Variants in RNASEH2B observed in about 807,000 individuals in gnomAD.
RNASEH2B encodes the protein ribonuclease H2 subunit B.
RNASEH2B carries 36 observed loss-of-function variants against 45.0 expected under a neutral mutation model. The ratio of observed to expected loss-of-function variants is 0.80; its 90% confidence interval spans 0.61 to 1.06. The LOEUF is 1.06. RNASEH2B is among the 50% of genes least tolerant of loss of function. The pLI is 0.00. For missense variants in RNASEH2B, 361 were observed against 360.3 expected (o/e 1.00, Z -0.02); for synonymous variants, 119 against 125.7 (o/e 0.95, Z 0.35).
At chr13:50,953,529 C>A (rs992636204) in intron 9 of RNASEH2B, 3 of 244,814 alleles carry the variant, frequency 1.2e-5, no homozygotes, top group Non-Finnish European at 2.4e-5. Flanking sequence ...TGGCTGGACA[C>A]CTGGCCCCCT....
rs1446547236 is a variant in RNASEH2B, at chr13:50,963,228, A to G, written c.742-6704A>G. ...TGCCCAGGCTGGAGTGCAATGGCAC[A>G]ATCTCAGCTCGCTGCAACTTCCGCC... On this transcript the variant is annotated intron_variant, in intron 9 of 9. Coordinates refer to the RNASEH2B transcript ENST00000422660. Among the ~76,000 whole-genome samples, 18 of 152,200 alleles carry G rather than the reference A, an allele frequency of 1.2e-4. 1 individual carries two copies. In the East Asian group the frequency reaches 3.3e-3, roughly 28 times the overall value.
At chr13:50,958,061 T>G (rs1475630592), downstream of RNASEH2B, among the ~76,000 whole-genome samples, 3 of 152,206 alleles carry the variant, frequency 2.0e-5, no homozygotes, top group Non-Finnish European at 4.4e-5. Flanking sequence ...CTGTTGATAC[T>G]TTATTTTGCT....
chr13:50,909,872 G>T lies in RNASEH2B; in HGVS notation c.-205G>T. On this transcript the variant is annotated 5_prime_UTR_variant, in exon 1 of 11. Coordinates refer to ENST00000336617, the MANE Select transcript of RNASEH2B (RefSeq NM_024570.4). Reference sequence around the variant, plus strand: ...GCCGGCATTCAGAGCCCCTCGCCTGGCGCTAAATTTAAAAACGTAACACGA... The same window carrying T: ...GCCGGCATTCAGAGCCCCTCGCCTGTCGCTAAATTTAAAAACGTAACACGA... 1 of 441,502 alleles carries T rather than the reference G, an allele frequency of 2.3e-6. No individual in the cohort carries two copies. The highest frequency in any genetic ancestry group is 4.0e-6 in the Non-Finnish European group (1 of 250,138). The allele number at this position is 441,502 out of a possible 1,614,324, so 27.3% of individuals were successfully genotyped here.
At position 50,914,730 on chromosome 13, in the gene RNASEH2B, G is replaced by A. The variant is rs373501772; in HGVS notation, c.64+4590G>A. Among the ~76,000 whole-genome samples the A allele has an allele frequency of 3.9e-5, 6 of 152,266 alleles. No homozygotes were observed. In the South Asian group the frequency reaches 8.3e-4, roughly 21 times the overall value. On this transcript the variant is annotated intron_variant, in intron 1 of 10. Transcript: ENST00000336617. ...GTCTGATCTTGTCCCTTTAGTAACT[G>A]TTCCAAAATACTTGGGACATTTATA... is the stretch of plus-strand genomic sequence containing the variant.
rs1422431568 is a variant in RNASEH2B at position 50,929,467 on chromosome 13, C to T, written c.137-8C>T. The T allele has an allele frequency of 6.3e-7, 1 of 1,588,162 alleles. No homozygotes were observed. Among genetic ancestry groups the T allele is most frequent in the Non-Finnish European group, 8.6e-7 (1 of 1,156,744 alleles). On this transcript the variant is annotated splice_region_variant and splice_polypyrimidine_tract_variant and intron_variant, in intron 2 of 10. Coordinates refer to ENST00000336617, the MANE Select transcript of RNASEH2B (RefSeq NM_024570.4). ...ACTTACAAATAAAAGACAGATTTGT[C>T]TTAACAGGAGAAGGAGCCATTTACT...
At position 50,964,941 on chromosome 13, in the gene RNASEH2B, C is replaced by T. The variant is rs577502835; in HGVS notation, c.742-4991C>T. On this transcript the variant is annotated intron_variant, in intron 9 of 9. Transcript: ENST00000422660. Reference sequence around the variant, plus strand: ...CCCAATCCTTGACCTTCCTCCCCTACCCCCACCCAGCTCCTACTCAGTACT... The same window carrying T: ...CCCAATCCTTGACCTTCCTCCCCTATCCCCACCCAGCTCCTACTCAGTACT... Among the ~76,000 whole-genome samples the T allele has an allele frequency of 2.6e-5, 4 of 152,214 alleles. No individual in the cohort carries two copies. The East Asian group carries it at 7.7e-4, about 29-fold the overall frequency.
chr13:50,943,569 A>G (rs1951859993), intron 6 of RNASEH2B, among the ~76,000 whole-genome samples, 175 bp downstream of exon 6: 1 of 152,180 alleles, frequency 6.6e-6, no homozygotes, highest in South Asian at 2.1e-4. Flanking sequence ...AATCCTCCCT[A>G]ACTTCTGTAT....
downstream of RNASEH2B, among the ~76,000 whole-genome samples, chr13:50,961,254 G>A (rs888508684): frequency 3.3e-5 from 5 of 151,932 alleles, no homozygotes; most frequent in South Asian, 2.1e-4. Flanking sequence ...ATTTCTTATC[G>A]GATGTTTGCC....
downstream of RNASEH2B, among the ~76,000 whole-genome samples, chr13:50,960,449 A>G (rs1221006646): frequency 6.6e-6 from 1 of 152,178 alleles, no homozygotes; most frequent in Non-Finnish European, 1.5e-5. Flanking sequence ...TTTACCATTA[A>G]TTCTGACACT....
intron 9 of RNASEH2B, among the ~76,000 whole-genome samples, chr13:50,965,076 G>A (rs976281095): frequency 3.3e-5 from 5 of 152,170 alleles, no homozygotes; most frequent in Admixed American, 2.6e-4. Flanking sequence ...CTGCATATGC[G>A]ATGGTGGTCC....
intron 4 of RNASEH2B, chr13:50,934,644 TG>T (rs1324568965): frequency 1.9e-6 from 1 of 536,572 alleles, no homozygotes; most frequent in Non-Finnish European, 3.4e-6. Context: ...CCATTTCATT[TG>T]GGGACTGTAC....
chr13:50,915,472 C>T, intron 1 of RNASEH2B: 1 of 398,580 alleles, frequency 2.5e-6, no homozygotes, highest in Non-Finnish European at 4.4e-6. Context: ...TTGTTACTGC[C>T]CAGGTTCGTG....
At chr13:50,965,148 C>T (rs1952152577) in intron 9 of RNASEH2B, among the ~76,000 whole-genome samples, 1 of 152,168 alleles carries the variant, frequency 6.6e-6, no homozygotes, top group South Asian at 2.1e-4. Context: ...GCCATCATAA[C>T]GTAAGGTTGT....
At chr13:50,970,134 A>G (rs1445104195) in exon 10 of RNASEH2B, 26 of 700,632 alleles carry the variant, frequency 3.7e-5, no homozygotes, top group Admixed American at 1.3e-4. Flanking sequence ...CCACTAGTCT[A>G]TGTGGGCAGC....
chr13:50,943,328 A>G lies in RNASEH2B; in HGVS notation c.444A>G (p.Pro148=), dbSNP rs1420978283. ...LHHVTEEKGN[P]EIDNKKYYKY... is the part of the protein sequence containing the mutation. ...TCTTTTTTTTCTTTTAAGGTAATCC[A>G]GAAATAGACAACAAGAAATATTACA... Residue 148 remains proline (P), a synonymous_variant, in exon 6 of 11, where the codon CCA becomes CCG. Coordinates refer to ENST00000336617, the MANE Select transcript of RNASEH2B (RefSeq NM_024570.4). The G allele has an allele frequency of 3.2e-6, 5 of 1,586,456 alleles. No homozygotes were observed. In the Admixed American group the frequency reaches 6.7e-5, roughly 21 times the overall value.
rs534345984 is a variant in RNASEH2B at position 50,930,952 on chromosome 13, T to C, written c.321+193T>C. 744 of 601,388 alleles carry C rather than the reference T, an allele frequency of 1.2e-3. 8 individuals are homozygous for C. The highest frequency in any genetic ancestry group is 9.2e-3 in the Middle Eastern group (20 of 2,166). The allele number at this position is 601,388 out of a possible 1,614,324, so 37.3% of individuals were successfully genotyped here. On this transcript the variant is annotated intron_variant, in intron 4 of 10. Coordinates refer to ENST00000336617, the MANE Select transcript of RNASEH2B (RefSeq NM_024570.4). ...TGCACAGGCCAGAGAAGCAGCACCT[T>C]ACTCTTGATCCAGTCTGACCCTGGC... is the stretch of plus-strand genomic sequence containing the variant.
At chr13:50,945,089 A>G (rs944062576) in intron 6 of RNASEH2B, among the ~76,000 whole-genome samples, 3 of 152,160 alleles carry the variant, frequency 2.0e-5, no homozygotes, top group African/African-American at 7.2e-5. Context: ...CATTTCACAG[A>G]TAGAGCCACA....
At chr13:50,929,696 G>T in intron 3 of RNASEH2B, 114 bp downstream of exon 3, 1 of 721,930 alleles carries the variant, frequency 1.4e-6, no homozygotes, top group Non-Finnish European at 2.5e-6. Flanking sequence ...CACTGGTTTA[G>T]CCTTCCTTGG....
At chr13:50,950,324 TA>T (rs1951960220) in intron 9 of RNASEH2B, 1 of 152,226 alleles carries the variant, frequency 6.6e-6, no homozygotes, top group South Asian at 2.1e-4. Flanking sequence ...TCAAGGTAGC[TA>T]AAATGCTCAT....
Sources: allele counts gnomAD v4.1 joint callset (sites outside exome capture counted in the v4.1 genomes callset), GRCh38; gene constraint gnomAD v4.1.1; transcripts MANE v1.5; gene names NCBI Gene and HGNC (gene_info 2026-07-23, HGNC 2026-07-21).